The following CPAMD8 variants were observed in gnomAD, a reference collection of about 807,000 sequenced individuals.
CPAMD8 encodes the protein C3 and PZP like alpha-2-macroglobulin domain containing 8.
CPAMD8 carries 146 observed loss-of-function variants against 224.7 expected under a neutral mutation model. The observed-to-expected ratio is 0.65, with a 90% CI of 0.57 to 0.75. CPAMD8 has a LOEUF of 0.75. CPAMD8 is among the 30% of genes least tolerant of loss of function. The pLI is 0.00. For synonymous variants in CPAMD8, 966 were observed against 1,044.6 expected, an observed-to-expected ratio of 0.92 and a Z score of 1.45; for missense variants, 2,301 against 2,537.5, an observed-to-expected ratio of 0.91 and a Z score of 2.00.
At chr19:16,906,858 G>A (rs1411318613) in intron 30 of CPAMD8, 94 bp downstream of exon 30, 17 of 1,262,672 alleles carry the variant, frequency 1.3e-5, no homozygotes, top group African/African-American at 4.4e-5. Context: ...TACATGACTC[G>A]TCAGTTGTGA....
intron 27 of CPAMD8, among the ~76,000 whole-genome samples, chr19:16,916,082 C>T (rs971000759): frequency 6.6e-6 from 1 of 151,672 alleles, no homozygotes. Context: ...TGGTGCAGTC[C>T]TAACTCACTG....
intron 19 of CPAMD8, 153 bp downstream of exon 19, chr19:16,957,700 T>C (rs1029446744): frequency 4.9e-5 from 35 of 721,396 alleles, no homozygotes; most frequent in Non-Finnish European, 7.0e-5. Flanking sequence ...GCTGGCTTCA[T>C]GGCTTGAAGT....
chr19:16,893,180 G>A lies in CPAMD8; in HGVS notation c.5586C>T (p.Phe1862=), dbSNP rs750639642. 1.1e-5 allele frequency: 18 copies of A among 1,597,078 alleles called. No homozygotes were observed. The highest frequency in any genetic ancestry group is 7.8e-5 in the South Asian group (7 of 89,746). ...CACTCTGAAAGGCTGGGCTGTAGAC[G>A]AAGACAGGGCTCAGAAGCCCTGGCC... ...AHRPGLLSPV[F]VYSPAFQSGG... is the part of the protein sequence containing the mutation. Residue 1862 remains phenylalanine (F), a synonymous_variant, in exon 42 of 42, where the codon TTC becomes TTT. Coordinates refer to ENST00000443236, the MANE Select transcript of CPAMD8 (RefSeq NM_015692.5).
chr19:17,009,709 G>A (rs2056596257), intron 5 of CPAMD8, among the ~76,000 whole-genome samples: 1 of 151,948 alleles, frequency 6.6e-6, no homozygotes, highest in African/African-American at 2.4e-5. Context: ...AGGAGGCAGA[G>A]CTTGCAGTGA....
At chr19:16,918,526 C>A (rs1035074753) in intron 27 of CPAMD8, among the ~76,000 whole-genome samples, 3 of 150,604 alleles carry the variant, frequency 2.0e-5, no homozygotes, top group Non-Finnish European at 4.4e-5. Context: ...TAGCTCACTG[C>A]AGCCTTGAAC....
intron 5 of CPAMD8, among the ~76,000 whole-genome samples, chr19:17,009,866 G>A (rs997827449): frequency 6.6e-6 from 1 of 152,140 alleles, no homozygotes; most frequent in Non-Finnish European, 1.5e-5. Context: ...AACCCATGCT[G>A]GGTGCCTCCT....
At chr19:16,979,346 CCATT>C (rs2055409138) in intron 14 of CPAMD8, among the ~76,000 whole-genome samples, 1 of 151,158 alleles carries the variant, frequency 6.6e-6, no homozygotes, top group South Asian at 2.1e-4. Context: ...ATCCATCTGT[CCATT>C]CATCCATCCA....
At chr19:16,976,175 T>C (rs1276648341) in intron 15 of CPAMD8, 24 bp from the exon 16 acceptor site, 19 of 1,599,058 alleles carry the variant, frequency 1.2e-5, no homozygotes, top group South Asian at 7.8e-5. Flanking sequence ...CAGCAAGGGA[T>C]AAGAAACTTG....
chr19:16,979,113 TATCC>T (rs1241177595), intron 14 of CPAMD8, among the ~76,000 whole-genome samples: 2 of 143,888 alleles, frequency 1.4e-5, no homozygotes, highest in African/African-American at 5.2e-5. Flanking sequence ...TCCATCCATC[TATCC>T]ATCCAACCAT....
At chr19:17,007,491 C>A (rs544306270) in intron 7 of CPAMD8, among the ~76,000 whole-genome samples, 1 of 149,262 alleles carries the variant, frequency 6.7e-6, no homozygotes, top group East Asian at 2.0e-4. Context: ...GAGAATAAGA[C>A]GAAGAGAAGG....
chr19:16,925,122 C>A, intron 26 of CPAMD8, 74 bp downstream of exon 26: 1 of 1,505,566 alleles, frequency 6.6e-7, no homozygotes, highest in Non-Finnish European at 9.2e-7. Flanking sequence ...CCACCTCCAG[C>A]GTGGTCTTCT....
chr19:16,986,149 G>T (rs1354012972), intron 13 of CPAMD8, among the ~76,000 whole-genome samples: 1 of 152,118 alleles, frequency 6.6e-6, no homozygotes, highest in South Asian at 2.1e-4. Flanking sequence ...GTGCCAAGAT[G>T]TGGGGAGTGG....
At position 16,899,081 on chromosome 19, in the gene CPAMD8, T is replaced by G. The variant is rs894406103; in HGVS notation, c.4848+394A>C. Reference sequence around the variant, plus strand: ...GATTACAGTAGCGTGCCATCACACCTGGCTAATTTTTGTGTTTTTTGTAGA... The same window carrying G: ...GATTACAGTAGCGTGCCATCACACCGGGCTAATTTTTGTGTTTTTTGTAGA... On this transcript the variant is annotated intron_variant, in intron 37 of 41. Transcript: ENST00000443236. The surrounding 1 kb of genome is among the most constrained non-coding windows in gnomAD (Gnocchi z 5.4). Among the ~76,000 whole-genome samples, 19 of 152,060 alleles carry G rather than the reference T, an allele frequency of 1.2e-4. No individual in the cohort carries two copies. Among genetic ancestry groups the G allele is most frequent in the African/African-American group, 4.6e-4 (19 of 41,388 alleles).
At chr19:16,950,506 G>A (rs1400332380) in intron 20 of CPAMD8, among the ~76,000 whole-genome samples, 1 of 150,890 alleles carries the variant, frequency 6.6e-6, no homozygotes, top group Non-Finnish European at 1.5e-5. Flanking sequence ...AGGGAGAGAG[G>A]GGCCAAATGC....
intron 23 of CPAMD8, among the ~76,000 whole-genome samples, chr19:16,931,103 T>C (rs1198743867): frequency 6.6e-6 from 1 of 152,190 alleles, no homozygotes; most frequent in African/African-American, 2.4e-5. Flanking sequence ...CCACTGCATA[T>C]GGCTGCTGTC....
rs2057085698 is a variant in CPAMD8 at position 17,026,525 on chromosome 19, C to T, written c.92+26G>A. On this transcript the variant is annotated intron_variant, in intron 1 of 41. Transcript: ENST00000443236. ...ACCCCCACCCCAGAAGGCGACCGAC[C>T]TCCTCTGTCGCCGGAGGATACTCAC... is the stretch of plus-strand genomic sequence containing the variant. 2.7e-6 allele frequency: 4 copies of T among 1,475,876 alleles called. No homozygotes were observed. The South Asian group carries it at 5.1e-5, about 19-fold the overall frequency. 91.4% of individuals were successfully genotyped at this position (1,475,876 alleles called of 1,614,324 possible). A position where few individuals can be genotyped will look rare whatever the true frequency, so the allele number is the denominator to read the frequency against.
At position 16,929,158 on chromosome 19, in the gene CPAMD8, A is replaced by G. The variant is rs2144963754; in HGVS notation, c.2928T>C (p.Ala976=). The G allele has an allele frequency of 6.2e-7, 1 of 1,614,156 alleles. No homozygotes were observed. Among genetic ancestry groups the G allele is most frequent in the African/African-American group, 1.3e-5 (1 of 75,068 alleles). Residue 976 remains alanine (A), a synonymous_variant, in exon 24 of 42, where the codon GCT becomes GCC. Transcript: ENST00000443236. ...CACGGGCATCATTGTGAGCTCGCAC[A>G]GCCACATCAAAGCGGGTGAGGCGCA... The part of the protein sequence containing the change: ...RPLRLTRFDV[A]VRAHNDARVA...
intron 13 of CPAMD8, among the ~76,000 whole-genome samples, chr19:16,984,362 G>A (rs2122809518): frequency 6.8e-6 from 1 of 146,674 alleles, no homozygotes; most frequent in African/African-American, 2.5e-5. Context: ...GAATGAATTT[G>A]GATCCCTACC....
intron 22 of CPAMD8, among the ~76,000 whole-genome samples, chr19:16,943,009 T>C (rs565991614): frequency 1.2e-4 from 10 of 86,614 alleles, no homozygotes; most frequent in East Asian, 4.5e-4. Flanking sequence ...TTTTTCTTTT[T>C]TCTTTTTTTT....
Sources: allele counts gnomAD v4.1 joint callset (sites outside exome capture counted in the v4.1 genomes callset), GRCh38; gene constraint gnomAD v4.1.1; non-coding constraint Gnocchi (gnomAD v3.1); transcripts MANE v1.5; gene names NCBI Gene and HGNC (gene_info 2026-07-23, HGNC 2026-07-21).